The following CEP57L1 variants were observed in gnomAD, a reference collection of about 807,000 sequenced individuals.
The protein encoded by CEP57L1 is centrosomal protein CEP57L1.
In CEP57L1, 37 loss-of-function variants were observed where a neutral mutation model predicts 61.0. That is an observed-to-expected ratio of 0.61 (90% CI 0.47 to 0.80). CEP57L1 has a LOEUF of 0.80. Ranked by LOEUF, CEP57L1 falls within the 30% of genes least tolerant of loss-of-function variation. CEP57L1 has a pLI of 0.00. For missense variants in CEP57L1, 422 were observed against 524.7 expected (o/e 0.80, Z 1.91); for synonymous variants, 137 against 162.3 (o/e 0.84, Z 1.19).
intron 1 of CEP57L1, among the ~76,000 whole-genome samples, chr6:109,131,691 A>AT (rs940103979): frequency 2.6e-5 from 4 of 151,500 alleles, no homozygotes; most frequent in African/African-American, 7.3e-5. Context: ...CTTAAAAAAA[A>AT]TTTTTTTAAG....
chr6:109,121,573 G>A (rs1772976725), intron 1 of CEP57L1, among the ~76,000 whole-genome samples: 1 of 152,172 alleles, frequency 6.6e-6, no homozygotes, highest in African/African-American at 2.4e-5. Context: ...GACTAGGATT[G>A]TAAATCATCA....
In CEP57L1 at chr6:109,153,928, A is replaced by C. The variant is rs775988615; in HGVS notation, c.558A>C (p.Thr186=). 1 of 1,600,094 alleles carries C rather than the reference A, an allele frequency of 6.2e-7. No homozygotes were observed. The highest frequency in any genetic ancestry group is 1.3e-5 in the African/African-American group (1 of 74,380). ...TAGAAAAAGAGTGTTTCAGACTTACAACAACTCAGAAAACTGCTGAGGTAA... is the reference window on the plus strand; with the variant it reads ...TAGAAAAAGAGTGTTTCAGACTTACCACAACTCAGAAAACTGCTGAGGTAA... ...DVLEKECFRL[T]TTQKTAEDKI... is the part of the protein sequence containing the mutation. Residue 186 remains threonine, a synonymous_variant, in exon 5 of 11, where the codon ACA becomes ACC. Transcript: ENST00000517392.
intron 4 of CEP57L1, among the ~76,000 whole-genome samples, chr6:109,151,846 A>G (rs1277565620): frequency 1.3e-5 from 2 of 152,144 alleles, no homozygotes; most frequent in Non-Finnish European, 2.9e-5. Context: ...TCTGGATCTC[A>G]TAGTTTCTAA....
intron 1 of CEP57L1, among the ~76,000 whole-genome samples, chr6:109,117,789 C>T (rs118158530): frequency 0.027 from 4,055 of 152,232 alleles, 79 homozygotes; most frequent in Middle Eastern, 0.051. Flanking sequence ...TCACAGGCAA[C>T]GTCTATATGG....
At chr6:109,155,053 A>G (rs1773077732) in intron 5 of CEP57L1, among the ~76,000 whole-genome samples, 177 bp from the exon 6 acceptor site, 1 of 152,100 alleles carries the variant, frequency 6.6e-6, no homozygotes, top group South Asian at 2.1e-4. Context: ...CAAAGAAAGA[A>G]GTGGGAAGAA....
intron 10 of CEP57L1, among the ~76,000 whole-genome samples, chr6:109,162,446 T>G (rs1773801311): frequency 6.6e-6 from 1 of 152,040 alleles, no homozygotes; most frequent in Admixed American, 6.6e-5. Flanking sequence ...CATATACACT[T>G]TTTGTCTTAT....
At chr6:109,142,719 G>A (rs1012882364) in intron 1 of CEP57L1, among the ~76,000 whole-genome samples, 1 of 151,890 alleles carries the variant, frequency 6.6e-6, no homozygotes. Flanking sequence ...CCTATAAAAT[G>A]TTCCATAAGA....
intron 1 of CEP57L1, chr6:109,100,263 T>C (rs1374937630): frequency 6.6e-6 from 1 of 152,208 alleles, no homozygotes; most frequent in East Asian, 1.9e-4. Context: ...GGAAGAATGA[T>C]ATAATGCCAC....
At chr6:109,117,656 A>G (rs1329925901) in intron 1 of CEP57L1, among the ~76,000 whole-genome samples, 1 of 152,098 alleles carries the variant, frequency 6.6e-6, no homozygotes, top group Admixed American at 6.5e-5. Flanking sequence ...GGCACATGAT[A>G]GATGCTTAGC....
intron 1 of CEP57L1, among the ~76,000 whole-genome samples, chr6:109,100,039 C>T (rs1188561377): frequency 6.6e-6 from 1 of 152,200 alleles, no homozygotes; most frequent in Non-Finnish European, 1.5e-5. Flanking sequence ...ACCTATTGCA[C>T]CGTAAACCTT....
intron 1 of CEP57L1, among the ~76,000 whole-genome samples, chr6:109,144,773 T>G (rs1771776200): frequency 6.6e-6 from 1 of 152,106 alleles, no homozygotes; most frequent in African/African-American, 2.4e-5. Flanking sequence ...TAGGAAGCCA[T>G]ACATTAGAAT....
intron 1 of CEP57L1, among the ~76,000 whole-genome samples, chr6:109,144,359 T>G (rs1006176846): frequency 1.3e-5 from 2 of 152,182 alleles, no homozygotes; most frequent in Non-Finnish European, 2.9e-5. Flanking sequence ...TGGATTTCCA[T>G]TTTGAAGCAA....
chr6:109,135,521 A>G (rs892905004), intron 1 of CEP57L1, among the ~76,000 whole-genome samples: 2 of 152,240 alleles, frequency 1.3e-5, no homozygotes, highest in Admixed American at 1.3e-4. Flanking sequence ...CTTCATGTCA[A>G]AAACACCAAA....
intron 1 of CEP57L1, among the ~76,000 whole-genome samples, chr6:109,122,384 T>C (rs1773075586): frequency 6.6e-6 from 1 of 152,228 alleles, no homozygotes; most frequent in Admixed American, 6.5e-5. Flanking sequence ...ATTGCATTTG[T>C]ACCCCTTTTG....
chr6:109,133,420 G>A (rs71558342), intron 1 of CEP57L1, among the ~76,000 whole-genome samples: 1 of 152,140 alleles, frequency 6.6e-6, no homozygotes, highest in South Asian at 2.1e-4. Flanking sequence ...GCGGAGCTCA[G>A]GAGGTAATGC....
intron 4 of CEP57L1, 118 bp from the exon 5 acceptor site, chr6:109,153,711 TTATG>T (rs1268181273): frequency 1.4e-6 from 1 of 699,020 alleles, no homozygotes. Context: ...GTGTGTTTGT[TTATG>T]TACATGTTTC....
intron 1 of CEP57L1, among the ~76,000 whole-genome samples, chr6:109,116,401 T>C (rs978989404): frequency 1.3e-5 from 2 of 152,140 alleles, no homozygotes; most frequent in African/African-American, 4.8e-5. Flanking sequence ...GGTGTCAAAC[T>C]CCCTACCTCA....
At chr6:109,133,412 G>A (rs1000249811) in intron 1 of CEP57L1, among the ~76,000 whole-genome samples, 1 of 152,148 alleles carries the variant, frequency 6.6e-6, no homozygotes, top group African/African-American at 2.4e-5. Flanking sequence ...GACAGGAAGC[G>A]GAGCTCAGGA....
chr6:109,100,005 A>C (rs892189514), intron 1 of CEP57L1, among the ~76,000 whole-genome samples: 1 of 152,200 alleles, frequency 6.6e-6, no homozygotes, highest in Non-Finnish European at 1.5e-5. Flanking sequence ...CCCTGATCTA[A>C]TTAAATACTC....
Sources: allele counts gnomAD v4.1 joint callset (sites outside exome capture counted in the v4.1 genomes callset), GRCh38; gene constraint gnomAD v4.1.1; transcripts MANE v1.5; gene names NCBI Gene and HGNC (gene_info 2026-07-23, HGNC 2026-07-21).